PPP2R2C: variants seen among roughly 807,000 people sequenced by gnomAD.
PPP2R2C encodes the protein protein phosphatase 2 regulatory subunit Bgamma, also known as protein phosphatase 2, regulatory subunit B, gamma.
Under a neutral mutation model 45.3 loss-of-function variants are expected in PPP2R2C, and 10 were observed. That is an observed-to-expected ratio of 0.22 (90% CI 0.14 to 0.37). PPP2R2C has a LOEUF of 0.37. Ranked by LOEUF, PPP2R2C falls within the 10% of genes least tolerant of loss-of-function variation. The pLI is 1.00. For missense variants in PPP2R2C, 308 were observed against 619.7 expected, an observed-to-expected ratio of 0.50 and a Z score of 5.34; for synonymous variants, 257 against 245.4, an observed-to-expected ratio of 1.05 and a Z score of -0.44.
At chr4:6,421,581 C>G (rs1263595994) in intron 1 of PPP2R2C, among the ~76,000 whole-genome samples, 2 of 152,130 alleles carry the variant, frequency 1.3e-5, no homozygotes, top group African/African-American at 2.4e-5. Context: ...AGCCCACAGA[C>G]CTGGCTGGAA....
chr4:6,476,392 A>C (rs1019489846), upstream of PPP2R2C, among the ~76,000 whole-genome samples: 1 of 152,172 alleles, frequency 6.6e-6, no homozygotes, highest in Non-Finnish European at 1.5e-5. Context: ...TTAGGTCCCA[A>C]GGGTGGGGCC....
chr4:6,381,672 A>G, intron 1 of PPP2R2C: 1 of 1,516,324 alleles, frequency 6.6e-7, no homozygotes, highest in Admixed American at 2.3e-5. Flanking sequence ...CTCTGCTCGC[A>G]GAAGCGAAGC....
intron 2 of PPP2R2C, among the ~76,000 whole-genome samples, chr4:6,487,243 T>C (rs1042755411): frequency 6.6e-6 from 1 of 151,994 alleles, no homozygotes; most frequent in Non-Finnish European, 1.5e-5. Flanking sequence ...AATTATACTT[T>C]AAAGAGATTA....
chr4:6,338,834 G>A (rs1441051950), intron 6 of PPP2R2C, among the ~76,000 whole-genome samples: 1 of 152,220 alleles, frequency 6.6e-6, no homozygotes, highest in African/African-American at 2.4e-5. Flanking sequence ...GCCATGTGCT[G>A]GGCAGAGAGC....
intron 1 of PPP2R2C, among the ~76,000 whole-genome samples, chr4:6,539,641 C>A (rs749357011): frequency 1.3e-5 from 2 of 152,200 alleles, no homozygotes; most frequent in Non-Finnish European, 2.9e-5. Flanking sequence ...CAAGCCCAGA[C>A]TACAGAAGCG....
At chr4:6,480,126 C>A (rs565334401) in intron 2 of PPP2R2C, among the ~76,000 whole-genome samples, 1 of 152,236 alleles carries the variant, frequency 6.6e-6, no homozygotes, top group East Asian at 1.9e-4. Context: ...ACACTATCCC[C>A]AAAGTAGTGC....
intron 1 of PPP2R2C, among the ~76,000 whole-genome samples, chr4:6,465,446 G>A (rs1424009014): frequency 3.3e-5 from 5 of 152,158 alleles, no homozygotes; most frequent in Non-Finnish European, 7.3e-5. Flanking sequence ...GGAGGTAGAA[G>A]GCAGGGCCAA....
At chr4:6,527,947 G>A (rs377684923) in intron 2 of PPP2R2C, among the ~76,000 whole-genome samples, 3 of 152,196 alleles carry the variant, frequency 2.0e-5, no homozygotes, top group African/African-American at 7.2e-5. Flanking sequence ...CAGCCCGTGA[G>A]CCCAGACTCC....
rs1349988033 is a variant in PPP2R2C at position 6,345,218 on chromosome 4, C to T, written c.790+2628G>A. On this transcript the variant is annotated intron_variant, in intron 6 of 8. Coordinates refer to ENST00000382599, the MANE Select transcript of PPP2R2C (RefSeq NM_020416.4). This position sits in a 1 kb window ranked among gnomAD's most constrained non-coding sequence, Gnocchi z 5.3. ...AGCAGGAAGAACCCCCTCTCTTCCCCAATATTCTCCCATTCCATTCGGACC... is the reference window on the plus strand; with the variant it reads ...AGCAGGAAGAACCCCCTCTCTTCCCTAATATTCTCCCATTCCATTCGGACC... Among the ~76,000 whole-genome samples the T allele has an allele frequency of 1.3e-5, 2 of 152,120 alleles. No individual in the cohort carries two copies. The highest frequency in any genetic ancestry group is 1.3e-4 in the Admixed American group (2 of 15,276).
At chr4:6,498,928 C>T (rs1006397167) in intron 2 of PPP2R2C, among the ~76,000 whole-genome samples, 3 of 152,106 alleles carry the variant, frequency 2.0e-5, no homozygotes, top group African/African-American at 7.2e-5. Context: ...ATATTCTTCT[C>T]CCTCTCCCCT....
intron 2 of PPP2R2C, among the ~76,000 whole-genome samples, chr4:6,512,417 T>G (rs1577231649): frequency 8.4e-6 from 1 of 119,648 alleles, no homozygotes; most frequent in Non-Finnish European, 1.8e-5. Context: ...GTGGTGGTGG[T>G]GATGGTGGGG....
intron 3 of PPP2R2C, among the ~76,000 whole-genome samples, chr4:6,376,967 G>A (rs1164564832): frequency 6.6e-6 from 1 of 152,234 alleles, no homozygotes; most frequent in Non-Finnish European, 1.5e-5. Context: ...CAGAGAGGGG[G>A]TGAACCGGAG....
At position 6,378,387 on chromosome 4, in the gene PPP2R2C, G is replaced by A. The variant is rs766412136; in HGVS notation, c.334+20C>T. 54 of 1,613,904 alleles carry A rather than the reference G, an allele frequency of 3.3e-5. 1 individual carries two copies. Among genetic ancestry groups the A allele is most frequent in the East Asian group, 6.7e-5 (3 of 44,890 alleles). ...ATCTACGGCCTGTGCCCATGCAAGC[G>A]AGGCCGGGCAGCGCCTCACCGTTGG... On this transcript the variant is annotated intron_variant, in intron 3 of 8. Transcript: ENST00000382599. The surrounding 1 kb of genome is among the most constrained non-coding windows in gnomAD (Gnocchi z 5.2).
chr4:6,504,765 A>C (rs1043943435), intron 2 of PPP2R2C, among the ~76,000 whole-genome samples: 1 of 152,212 alleles, frequency 6.6e-6, no homozygotes, highest in African/African-American at 2.4e-5. Flanking sequence ...TGAAAAACAG[A>C]GGAGGGAAGT....
Position 6,531,208 on chromosome 4 carries a change from G to A in PPP2R2C, c.49+4063C>T, listed in dbSNP as rs115038648. On this transcript the variant is annotated intron_variant, in intron 2 of 9. Coordinates refer to the PPP2R2C transcript ENST00000506140. ...GCTCTCCAGGGCAGTGTCCTTCGAGGCCTCTCAGTCCCTCGAGGAAGCACC... is the reference window on the plus strand; with the variant it reads ...GCTCTCCAGGGCAGTGTCCTTCGAGACCTCTCAGTCCCTCGAGGAAGCACC... 1.6e-3 allele frequency among the ~76,000 whole-genome samples: 237 copies of A among 152,326 alleles called. 1 individual carries two copies. Among genetic ancestry groups the A allele is most frequent in the African/African-American group, 5.6e-3 (234 of 41,576 alleles).
intron 1 of PPP2R2C, among the ~76,000 whole-genome samples, chr4:6,413,603 G>A (rs1007919624): frequency 5.3e-5 from 8 of 152,152 alleles, no homozygotes; most frequent in African/African-American, 1.9e-4. Flanking sequence ...AGCAAGACCC[G>A]ACCCTGCTGT....
Position 6,365,558 on chromosome 4 carries a change from G to A in PPP2R2C, c.625+6965C>T, listed in dbSNP as rs914768436. Among the ~76,000 whole-genome samples, 5 of 152,364 alleles carry A rather than the reference G, an allele frequency of 3.3e-5. No homozygotes were observed. In the East Asian group the frequency reaches 5.8e-4, roughly 18 times the overall value. On this transcript the variant is annotated intron_variant, in intron 5 of 8. Transcript: ENST00000382599. ...GTGACTGATCAGGGTCAGTGGCAGAGGCAGGGGTAGAGCCTGGGCTCAGGG... is the reference window on the plus strand; with the variant it reads ...GTGACTGATCAGGGTCAGTGGCAGAAGCAGGGGTAGAGCCTGGGCTCAGGG...
chr4:6,551,967 G>C (rs1046669339), intron 1 of PPP2R2C, among the ~76,000 whole-genome samples: 4 of 152,234 alleles, frequency 2.6e-5, no homozygotes, highest in East Asian at 3.8e-4. Context: ...CAGATAACTG[G>C]AGAGAAAGTG....
intron 5 of PPP2R2C, among the ~76,000 whole-genome samples, chr4:6,355,223 C>T (rs558620055): frequency 7.3e-6 from 1 of 136,800 alleles, no homozygotes; most frequent in East Asian, 2.3e-4. Flanking sequence ...ATGAATCAGC[C>T]CATTGTGGTC....
Sources: allele counts gnomAD v4.1 joint callset (sites outside exome capture counted in the v4.1 genomes callset), GRCh38; gene constraint gnomAD v4.1.1; non-coding constraint Gnocchi (gnomAD v3.1); transcripts MANE v1.5; gene names NCBI Gene and HGNC (gene_info 2026-07-23, HGNC 2026-07-21).